The following LYZL4 variants were observed in gnomAD, a reference collection of about 807,000 sequenced individuals.
LYZL4 encodes lysozyme-like protein 4.
A neutral mutation model predicts 17.6 loss-of-function variants in LYZL4; 13 were observed. The ratio of observed to expected loss-of-function variants is 0.74; its 90% CI spans 0.48 to 1.18. The LOEUF is 1.18. Ranked by LOEUF, LYZL4 falls within the 50% of genes most tolerant of loss-of-function variation. LYZL4 has a pLI of 0.00. For missense variants in LYZL4, 174 were observed against 188.2 expected (o/e 0.92, Z 0.44); for synonymous variants, 64 against 67.7 (o/e 0.95, Z 0.27).
chr3:42,385,002 A>T, the LYZL4 span, among the ~76,000 whole-genome samples: 1 of 152,198 alleles, frequency 6.6e-6, no homozygotes, highest in African/African-American at 2.4e-5. Context: ...AGGAGTGTTG[A>T]TCTTCACGAC....
intron 4 of LYZL4, among the ~76,000 whole-genome samples, chr3:42,400,712 C>A (rs1016990613): frequency 6.6e-6 from 1 of 152,106 alleles, no homozygotes; most frequent in Non-Finnish European, 1.5e-5. Flanking sequence ...ATATGACACT[C>A]TTTCTAGATC....
the LYZL4 span, among the ~76,000 whole-genome samples, chr3:42,374,491 T>C: frequency 6.6e-6 from 1 of 152,236 alleles, no homozygotes; most frequent in Non-Finnish European, 1.5e-5. Context: ...TGGGATTTAG[T>C]GATGGTTTCA....
At chr3:42,369,392 A>T in the LYZL4 span, among the ~76,000 whole-genome samples, 9 of 152,236 alleles carry the variant, frequency 5.9e-5, no homozygotes, top group East Asian at 1.7e-3. Flanking sequence ...AAGGCTTCAG[A>T]TCTCTTTGGT....
chr3:42,390,130 C>CAGGGATGGTCAGGGTT, the LYZL4 span, among the ~76,000 whole-genome samples: 1 of 152,078 alleles, frequency 6.6e-6, no homozygotes. Flanking sequence ...GCTGGATGGT[C>CAGGGATGGTCAGGGTT]AGGGATTTAG....
chr3:42,365,312 G>T, the LYZL4 span, among the ~76,000 whole-genome samples: 1 of 152,126 alleles, frequency 6.6e-6, no homozygotes, highest in South Asian at 2.1e-4. Context: ...TATCTTAAAG[G>T]GTGTATCAGT....
At chr3:42,393,647 C>T (rs375088232), downstream of LYZL4, among the ~76,000 whole-genome samples, 73 of 152,300 alleles carry the variant, frequency 4.8e-4, no homozygotes, top group Non-Finnish European at 2.4e-4. Flanking sequence ...TTGCACTAGC[C>T]GGTTTCTTCC....
At chr3:42,405,202 C>A (rs984469744) in intron 3 of LYZL4, among the ~76,000 whole-genome samples, 1 of 152,188 alleles carries the variant, frequency 6.6e-6, no homozygotes, top group South Asian at 2.1e-4. Context: ...GCGCCTGCCA[C>A]CACGCCCGTC....
At chr3:42,397,604 C>CTGAACTG (rs1395400599) in intron 4 of LYZL4, among the ~76,000 whole-genome samples, 3 of 152,162 alleles carry the variant, frequency 2.0e-5, no homozygotes, top group East Asian at 1.9e-4. Flanking sequence ...GATGAGGAGG[C>CTGAACTG]TGAACTGTGA....
At chr3:42,370,085 G>A in the LYZL4 span, among the ~76,000 whole-genome samples, 2 of 152,114 alleles carry the variant, frequency 1.3e-5, no homozygotes, top group African/African-American at 4.8e-5. Context: ...AACACTTCCA[G>A]GATGTTCTGC....
the LYZL4 span, among the ~76,000 whole-genome samples, chr3:42,361,627 G>C: frequency 6.6e-6 from 1 of 151,892 alleles, no homozygotes; most frequent in Non-Finnish European, 1.5e-5. Flanking sequence ...CTATTTGTCA[G>C]CCTGAGTTGG....
chr3:42,363,867 T>C, the LYZL4 span, among the ~76,000 whole-genome samples: 4 of 152,154 alleles, frequency 2.6e-5, no homozygotes, highest in African/African-American at 9.7e-5. Flanking sequence ...ACGGATCATC[T>C]CTAGTGAAGG....
chr3:42,381,587 A>G, the LYZL4 span, among the ~76,000 whole-genome samples: 85,127 of 151,926 alleles, frequency 0.56, 24,806 homozygotes, highest in East Asian at 0.83. Context: ...AGAATTTACC[A>G]CCGAGGTAAT....
chr3:42,392,348 C>T (rs1444056245), downstream of LYZL4, among the ~76,000 whole-genome samples: 1 of 152,042 alleles, frequency 6.6e-6, no homozygotes, highest in African/African-American at 2.4e-5. Context: ...CCTCAGTGAA[C>T]TAGGAAGCAG....
chr3:42,371,315 C>T, the LYZL4 span, among the ~76,000 whole-genome samples: 2 of 152,198 alleles, frequency 1.3e-5, no homozygotes, highest in African/African-American at 2.4e-5. Flanking sequence ...CCCCATTAAT[C>T]ACTTTCCAGT....
the LYZL4 span, among the ~76,000 whole-genome samples, chr3:42,384,282 G>A: frequency 6.6e-6 from 1 of 152,158 alleles, no homozygotes; most frequent in Non-Finnish European, 1.5e-5. Context: ...AATTTCAAGA[G>A]TCCCTTGCAC....
downstream of LYZL4, among the ~76,000 whole-genome samples, chr3:42,392,381 A>C (rs1698491985): frequency 6.6e-6 from 1 of 152,190 alleles, no homozygotes; most frequent in Non-Finnish European, 1.5e-5. Context: ...AAGGTGAATG[A>C]AGAAGGAGGT....
intron 4 of LYZL4, among the ~76,000 whole-genome samples, chr3:42,400,508 T>G (rs1224264975): frequency 6.6e-6 from 1 of 152,234 alleles, no homozygotes; most frequent in Non-Finnish European, 1.5e-5. Flanking sequence ...TCAATCATGA[T>G]GTGCATATAA....
At chr3:42,368,542 T>C in the LYZL4 span, among the ~76,000 whole-genome samples, 2 of 152,244 alleles carry the variant, frequency 1.3e-5, no homozygotes, top group Non-Finnish European at 2.9e-5. Flanking sequence ...AGAATACTTA[T>C]GCATGTATTT....
chr3:42,410,040 C>G (rs1698835202), intron 1 of LYZL4, among the ~76,000 whole-genome samples: 1 of 152,198 alleles, frequency 6.6e-6, no homozygotes, highest in Admixed American at 6.5e-5. Context: ...CTCACTACCT[C>G]AAAGAAGATT....
Sources: gnomAD v4.1 joint callset for allele counts (sites outside exome capture counted in the v4.1 genomes callset) on GRCh38, gnomAD v4.1.1 for gene constraint, MANE v1.5 for transcripts, NCBI Gene and HGNC (gene_info 2026-07-23, HGNC 2026-07-21) for gene names.